The following KIF9 variants were observed in gnomAD, a reference collection of about 807,000 sequenced individuals.
KIF9 encodes kinesin family member 9.
A neutral mutation model predicts 94.8 loss-of-function variants in KIF9; 68 were observed. The ratio of observed to expected loss-of-function variants is 0.72; its 90% confidence interval spans 0.59 to 0.88. The LOEUF (loss-of-function observed/expected upper bound fraction) is 0.88, where lower values mean the gene tolerates loss of function less well. KIF9 is among the 40% of genes least tolerant of loss of function. KIF9 has a pLI of 0.00. For missense variants in KIF9, 882 were observed against 982.5 expected (o/e 0.90, Z 1.37); for synonymous variants, 343 against 362.1 (o/e 0.95, Z 0.60).
chr3:47,281,008 C>T lies in KIF9; in HGVS notation c.-6+1487G>A, dbSNP rs751790056. On this transcript the variant is annotated intron_variant, in intron 1 of 20. Transcript: ENST00000684063. ...CTTCATTTGAGTGGGTTTCAGTTCC[C>T]AAAATTAAATTACAAGCTGCTTGAA... 73 of 702,888 alleles carry T rather than the reference C, an allele frequency of 1.0e-4. No individual in the cohort carries two copies. The African/African-American group carries it at 1.2e-3, about 11-fold the overall frequency. The allele number at this position is 702,888 out of a possible 1,614,324, so 43.5% of individuals were successfully genotyped here.
chr3:47,277,444 T>A, intron 1 of KIF9, 65 bp from the exon 2 acceptor site: 1 of 1,053,990 alleles, frequency 9.5e-7, no homozygotes, highest in Non-Finnish European at 1.5e-6. Context: ...AGGAGAGGGG[T>A]CATTCATTAA....
intron 12 of KIF9, chr3:47,246,494 G>A (rs141560226): frequency 8.1e-4 from 245 of 303,858 alleles, no homozygotes; most frequent in African/African-American, 4.5e-3. Flanking sequence ...CCACCTTTTC[G>A]AAGTGGAGAC....
In KIF9 at chr3:47,273,595, T is replaced by C. The variant is rs752400618; in HGVS notation, c.323A>G (p.Glu108Gly). 2 of 1,613,280 alleles carry C rather than the reference T, an allele frequency of 1.2e-6. No homozygotes were observed. The highest frequency in any genetic ancestry group is 1.1e-5 in the South Asian group (1 of 90,978). The change falls in exon 4 of 21, where the codon GAG becomes GGG. Residue 108 changes from glutamate to glycine, a missense_variant. Transcript: ENST00000684063. ...GKTYTMMGAT[E>G]NYKHRGILPR... ...GAGGATCCCCCGGTGCTTGTAATTC[T>C]CAGTTGCCCCCATCATGGTGTATGT...
intron 4 of KIF9, among the ~76,000 whole-genome samples, chr3:47,271,728 A>C (rs1200551161): frequency 6.6e-6 from 1 of 152,188 alleles, no homozygotes; most frequent in East Asian, 1.9e-4. Flanking sequence ...CTCATCATTT[A>C]TATGCCTCTT....
intron 10 of KIF9, among the ~76,000 whole-genome samples, chr3:47,255,840 G>A (rs1441927058): frequency 2.6e-5 from 4 of 152,138 alleles, no homozygotes; most frequent in East Asian, 1.9e-4. Context: ...CTGCCATCTC[G>A]GCTCACTGCA....
At chr3:47,239,070 T>C (rs1465121978) in intron 17 of KIF9, among the ~76,000 whole-genome samples, 1 of 152,102 alleles carries the variant, frequency 6.6e-6, no homozygotes, top group Non-Finnish European at 1.5e-5. Flanking sequence ...TGGTGGCGGG[T>C]ATGCCTGTAA....
At position 47,243,244 on chromosome 3, in the gene KIF9, A is replaced by G. The variant is rs1474891491; in HGVS notation, c.1516T>C (p.Ser506Pro). The part of the protein sequence containing the change: ...SKKTFKEPLS[S>P]LARKEGASSP... Reference sequence around the variant, plus strand: ...CTGGCACCTTCCTTTCTTGCCAAGGAGCTGGAAGAAGGCACGGAAGCCCCA... The same window carrying G: ...CTGGCACCTTCCTTTCTTGCCAAGGGGCTGGAAGAAGGCACGGAAGCCCCA... Residue 506 changes from serine (S) to proline (P), a missense_variant and splice_region_variant, in exon 16 of 21, where the codon TCC (serine) becomes CCC (proline). Physicochemically the swap from Ser to Pro is moderately conservative, Grantham distance 74 (BLOSUM62 -1). Transcript: ENST00000684063. 2 of 1,606,654 alleles carry G rather than the reference A, an allele frequency of 1.2e-6. No homozygotes were observed. Among genetic ancestry groups the G allele is most frequent in the Non-Finnish European group, 1.7e-6 (2 of 1,174,998 alleles).
At chr3:47,260,125 G>A (rs1392534767) in intron 9 of KIF9, among the ~76,000 whole-genome samples, 2 of 129,482 alleles carry the variant, frequency 1.5e-5, no homozygotes, top group African/African-American at 6.0e-5. Context: ...AGGGCTGGAG[G>A]TGGGACCTGC....
rs142053755 is a variant in KIF9, at chr3:47,271,145, AAAAAAGAAAAAG to A, written c.591+80_591+91del. On this transcript the variant is annotated intron_variant, in intron 5 of 20. Coordinates refer to ENST00000684063, the MANE Select transcript of KIF9 (RefSeq NM_182902.4). ...GGAGAAAAACCAAGATCCTGTCTCA[AAAAAAGAAAAAG>A]AAAAAGAAAAAGAAAAGCTGAGAAG... 5.5e-5 allele frequency: 48 copies of A among 870,146 alleles called. No homozygotes were observed. The Middle Eastern group carries it at 1.4e-3, about 25-fold the overall frequency. 53.9% of individuals were successfully genotyped at this position (870,146 alleles called of 1,614,324 possible). A position where few individuals can be genotyped will look rare whatever the true frequency, so the allele number is the denominator to read the frequency against.
chr3:47,263,847 C>G (rs1403161118), intron 9 of KIF9: 1 of 456,796 alleles, frequency 2.2e-6, no homozygotes, highest in Non-Finnish European at 4.4e-6. Flanking sequence ...GTGCACATGG[C>G]AGGTGCTTAA....
At chr3:47,276,946 T>C in intron 2 of KIF9, 1 of 174,758 alleles carries the variant, frequency 5.7e-6, no homozygotes, top group South Asian at 1.6e-4. Context: ...ATATTCTTAC[T>C]GCACCCCATG....
chr3:47,257,182 C>CA (rs199521118), intron 10 of KIF9, among the ~76,000 whole-genome samples: 38 of 144,784 alleles, frequency 2.6e-4, no homozygotes, highest in South Asian at 1.5e-3. Context: ...TATTGACTGG[C>CA]AAAAAAAAAA....
chr3:47,247,878 CT>C (rs1700027202), intron 11 of KIF9, 139 bp downstream of exon 11: 1 of 724,988 alleles, frequency 1.4e-6, no homozygotes, highest in African/African-American at 1.7e-5. Context: ...GCTGCTGCCC[CT>C]TTCCTGCCAC....
intron 1 of KIF9, among the ~76,000 whole-genome samples, chr3:47,279,827 C>G (rs2107537744): frequency 6.6e-6 from 1 of 152,240 alleles, no homozygotes; most frequent in East Asian, 1.9e-4. Context: ...CCGTGTTAGC[C>G]AGGATGGTCT....
chr3:47,235,674 T>A (rs930323960), intron 19 of KIF9, 57 bp from the exon 20 acceptor site: 28 of 1,395,716 alleles, frequency 2.0e-5, no homozygotes, highest in Non-Finnish European at 2.8e-5. Flanking sequence ...TAGCAGAGCC[T>A]GTGGTGTGCA....
intron 17 of KIF9, chr3:47,240,334 G>A (rs180876575): frequency 1.6e-4 from 35 of 220,106 alleles, no homozygotes; most frequent in African/African-American, 7.5e-4. Flanking sequence ...CTGAAAGTGA[G>A]TCCCTTGGCT....
rs371297641 is a variant in KIF9 at position 47,265,702 on chromosome 3, T to G, written c.916+28A>C. 346 of 1,610,946 alleles carry G rather than the reference T, an allele frequency of 2.1e-4. 1 individual carries two copies. The highest frequency in any genetic ancestry group is 3.3e-4 in the Middle Eastern group (2 of 6,020). On this transcript the variant is annotated intron_variant, in intron 8 of 20. Transcript: ENST00000684063. ...CCCTCCCCAAAGACACAGACCCTCC[T>G]CCCTGGGCAGCAACTGTACCCCCTC... is the stretch of plus-strand genomic sequence containing the variant.
At position 47,257,384 on chromosome 3, in the gene KIF9, T is replaced by C. The variant is rs981823944; in HGVS notation, c.1059+99A>G. On this transcript the variant is annotated intron_variant, in intron 10 of 20. Coordinates refer to ENST00000684063, the MANE Select transcript of KIF9 (RefSeq NM_182902.4). ...CTGACCCAGGGCTGCATGGGGATCT[T>C]TGGTTGAGGCAGGAAGGGAAGGCTC... 16 of 1,044,316 alleles carry C rather than the reference T, an allele frequency of 1.5e-5. No homozygotes were observed. The African/African-American group carries it at 2.2e-4, about 14-fold the overall frequency. 64.7% of individuals were successfully genotyped at this position (1,044,316 alleles called of 1,614,324 possible).
intron 10 of KIF9, among the ~76,000 whole-genome samples, chr3:47,255,312 A>G (rs1186320414): frequency 6.6e-6 from 1 of 152,150 alleles, no homozygotes; most frequent in Admixed American, 6.5e-5. Context: ...AGTTTTTGCT[A>G]ATTTAAGGGT....
Sources: gnomAD v4.1 joint callset for allele counts (sites outside exome capture counted in the v4.1 genomes callset) on GRCh38, gnomAD v4.1.1 for gene constraint, MANE v1.5 for transcripts, NCBI Gene and HGNC (gene_info 2026-07-23, HGNC 2026-07-21) for gene names.